The following SNTG2 variants were observed in gnomAD, a reference collection of about 807,000 sequenced individuals.
SNTG2 encodes the protein syntrophin gamma 2, also known as gamma-2-syntrophin.
A neutral mutation model predicts 70.9 loss-of-function variants in SNTG2; 74 were observed. The observed-to-expected ratio is 1.04, with a 90% CI of 0.86 to 1.27. SNTG2 has a LOEUF of 1.27. Ranked by LOEUF, SNTG2 falls within the 50% of genes most tolerant of loss-of-function variation. The pLI, the probability that SNTG2 is intolerant of heterozygous loss-of-function variation, is 0.00. For missense variants in SNTG2, 717 were observed against 690.7 expected (o/e 1.04, Z -0.43); for synonymous variants, 278 against 273.8 (o/e 1.02, Z -0.15).
At chr2:1,309,580 TGGGCACAGGGCCCCACACAG>T (rs367755958) in intron 15 of SNTG2, among the ~76,000 whole-genome samples, 2,116 of 152,330 alleles carry the variant, frequency 0.014, 46 homozygotes, top group African/African-American at 0.047. Flanking sequence ...GATGCCGCTC[TGGGCACAGGGCCCCACACAG>T]GGCATCTCCA....
chr2:1,311,728 C>T (rs1264135531), intron 15 of SNTG2, among the ~76,000 whole-genome samples: 2 of 152,186 alleles, frequency 1.3e-5, no homozygotes, highest in Non-Finnish European at 2.9e-5. Context: ...CACATGCCCT[C>T]TTATTAGTCA....
chr2:1,162,733 G>A (rs917932227), intron 6 of SNTG2, among the ~76,000 whole-genome samples: 4 of 152,176 alleles, frequency 2.6e-5, no homozygotes, highest in African/African-American at 9.7e-5. Flanking sequence ...TTTCACCAAA[G>A]AGGAGAAGAA....
In SNTG2 at chr2:1,070,984, G is replaced by T. The variant is rs576909707; in HGVS notation, c.73-12534G>T. Among the ~76,000 whole-genome samples the T allele has an allele frequency of 3.8e-3, 572 of 152,166 alleles. 4 individuals carry two copies. Among genetic ancestry groups the T allele is most frequent in the African/African-American group, 0.013 (552 of 41,508 alleles). The stretch of plus-strand genomic sequence containing the variant: ...AACAAATGACATTTTGTGTCACTGG[G>T]GGGTGGCCACATTCAATGCGTTGGC... On this transcript the variant is annotated intron_variant, in intron 1 of 16. Transcript: ENST00000308624.
intron 6 of SNTG2, among the ~76,000 whole-genome samples, chr2:1,145,079 A>C (rs1319864618): frequency 6.6e-6 from 1 of 152,228 alleles, no homozygotes; most frequent in Non-Finnish European, 1.5e-5. Context: ...CAGTGATAAG[A>C]AAGAAATATA....
chr2:1,232,845 C>T (rs991034307), intron 9 of SNTG2, among the ~76,000 whole-genome samples: 2 of 152,166 alleles, frequency 1.3e-5, no homozygotes, highest in Non-Finnish European at 2.9e-5. Context: ...CTCGAGTACT[C>T]GTAATTTTCA....
intron 1 of SNTG2, among the ~76,000 whole-genome samples, chr2:987,398 GAA>G (rs1240139124): frequency 6.6e-6 from 1 of 152,248 alleles, no homozygotes; most frequent in Non-Finnish European, 1.5e-5. Context: ...GTGGGTCTGT[GAA>G]GTCTCCTGGG....
intron 16 of SNTG2, among the ~76,000 whole-genome samples, chr2:1,361,289 G>A (rs1253477693): frequency 2.0e-5 from 3 of 152,070 alleles, no homozygotes; most frequent in Non-Finnish European, 4.4e-5. Context: ...GTCCCATTGA[G>A]TGTGTAGCAC....
chr2:1,006,983 T>C (rs187002338), intron 1 of SNTG2, among the ~76,000 whole-genome samples: 1 of 152,080 alleles, frequency 6.6e-6, no homozygotes, highest in Admixed American at 6.5e-5. Context: ...GAGCCGAGAT[T>C]GTGCCACTGC....
chr2:1,137,318 C>G (rs918220349), intron 4 of SNTG2, among the ~76,000 whole-genome samples: 2 of 151,924 alleles, frequency 1.3e-5, no homozygotes, highest in African/African-American at 4.8e-5. Flanking sequence ...ACACACATCT[C>G]ACGTGGACAC....
intron 10 of SNTG2, among the ~76,000 whole-genome samples, chr2:1,238,508 G>T (rs57807768): frequency 0.32 from 48,637 of 152,060 alleles, 9,339 homozygotes; most frequent in African/African-American, 0.54. Flanking sequence ...AAACGAAAAA[G>T]TATTCTGTCC....
rs116768699 is a variant in SNTG2, at chr2:1,295,729, A to G, written c.1285-12765A>G. On this transcript the variant is annotated intron_variant, in intron 14 of 16. Coordinates refer to ENST00000308624, the MANE Select transcript of SNTG2 (RefSeq NM_018968.4). ...CCGTATTGGGGAGGGAGGAGCAGGC[A>G]GACGTCACCATCGATGGCTTCCACT... Among the ~76,000 whole-genome samples, 675 of 151,904 alleles carry G rather than the reference A, an allele frequency of 4.4e-3. 6 individuals are homozygous for G. Among genetic ancestry groups the G allele is most frequent in the African/African-American group, 0.015 (634 of 41,392 alleles).
intron 4 of SNTG2, among the ~76,000 whole-genome samples, chr2:1,121,406 TAA>T (rs1667365245): frequency 6.6e-6 from 1 of 151,718 alleles, no homozygotes. Context: ...AGAACAGAAA[TAA>T]GTCAAACAGA....
At chr2:1,266,131 G>C (rs1002432718) in intron 13 of SNTG2, among the ~76,000 whole-genome samples, 6 of 152,106 alleles carry the variant, frequency 3.9e-5, no homozygotes, top group African/African-American at 1.4e-4. Flanking sequence ...GAAATGGAGA[G>C]AGAGAAAGAG....
At chr2:1,000,748 C>A (rs959845023) in intron 1 of SNTG2, among the ~76,000 whole-genome samples, 1 of 151,398 alleles carries the variant, frequency 6.6e-6, no homozygotes, top group African/African-American at 2.4e-5. Flanking sequence ...AGGAAGGACT[C>A]ATTTCTCACT....
intron 13 of SNTG2, among the ~76,000 whole-genome samples, chr2:1,260,262 A>G (rs114223691): frequency 6.6e-6 from 1 of 152,192 alleles, no homozygotes; most frequent in East Asian, 1.9e-4. Context: ...AATATTCTCT[A>G]TCTGTAGTTG....
chr2:1,292,873 A>G (rs1680046722), intron 14 of SNTG2, among the ~76,000 whole-genome samples: 1 of 152,194 alleles, frequency 6.6e-6, no homozygotes, highest in African/African-American at 2.4e-5. Flanking sequence ...ATGACTGGGA[A>G]AGTATATCCT....
intron 16 of SNTG2, among the ~76,000 whole-genome samples, chr2:1,329,768 C>T (rs1350149213): frequency 6.6e-6 from 1 of 152,080 alleles, no homozygotes; most frequent in African/African-American, 2.4e-5. Flanking sequence ...TGGGGGAGGC[C>T]TTTGACGCTT....
chr2:986,067 TAGAGAGAG>T (rs10633277), intron 1 of SNTG2, among the ~76,000 whole-genome samples: 2,971 of 129,764 alleles, frequency 0.023, 100 homozygotes, highest in African/African-American at 0.075. Flanking sequence ...CTGCAAATAA[TAGAGAGAG>T]AGAGAGAGAG....
At chr2:1,063,308 G>A (rs1052996791) in intron 1 of SNTG2, among the ~76,000 whole-genome samples, 1 of 152,200 alleles carries the variant, frequency 6.6e-6, no homozygotes, top group Non-Finnish European at 1.5e-5. Context: ...GTGAAAAGCA[G>A]CATTTAGCTG....
Sources: allele counts gnomAD v4.1 joint callset (sites outside exome capture counted in the v4.1 genomes callset), GRCh38; gene constraint gnomAD v4.1.1; transcripts MANE v1.5; gene names NCBI Gene and HGNC (gene_info 2026-07-23, HGNC 2026-07-21).